Variants in TBC1D23 observed in about 807,000 individuals in gnomAD.
The protein encoded by TBC1D23 is TBC1 domain family member 23.
TBC1D23 carries 55 observed loss-of-function variants against 91.4 expected under a neutral mutation model. That is an observed-to-expected ratio of 0.60 (90% CI 0.48 to 0.75). The LOEUF is 0.75. Ranked by LOEUF, TBC1D23 falls within the 30% of genes least tolerant of loss-of-function variation. The probability of loss-of-function intolerance (pLI) is 0.00; values close to 1 mark genes in which losing one functional copy is unlikely to be tolerated. For synonymous variants in TBC1D23, 289 were observed against 281.0 expected, an observed-to-expected ratio of 1.03 and a Z score of -0.28; for missense variants, 725 against 836.1, an observed-to-expected ratio of 0.87 and a Z score of 1.64.
At chr3:100,313,938 T>C (rs1025598714) in intron 15 of TBC1D23, among the ~76,000 whole-genome samples, 1 of 152,068 alleles carries the variant, frequency 6.6e-6, no homozygotes, top group Non-Finnish European at 1.5e-5. Context: ...ACCAAATGAT[T>C]ATGTCACTTG....
At position 100,298,044 on chromosome 3, in the gene TBC1D23, G is replaced by C; in HGVS notation, c.998G>C (p.Gly333Ala). Residue 333 changes from glycine (G) to alanine (A), a missense_variant and splice_region_variant, in exon 9 of 19, where the codon GGG (glycine) becomes GCG (alanine). Coordinates refer to ENST00000394144, the MANE Select transcript of TBC1D23 (RefSeq NM_001199198.3). ...SEILQANQLQ[G>A]EGVRFFVVDC... Reference sequence around the variant, plus strand: ...ATCCTTCAAGCGAATCAGCTACAAGGGGTAAGTAAAGGAAACCCAGTTTGT... The same window carrying C: ...ATCCTTCAAGCGAATCAGCTACAAGCGGTAAGTAAAGGAAACCCAGTTTGT... 6.2e-7 allele frequency: 1 copy of C among 1,612,542 alleles called. No homozygotes were observed. The highest frequency in any genetic ancestry group is 1.3e-5 in the African/African-American group (1 of 74,926).
Position 100,311,867 on chromosome 3 carries a change from T to C in TBC1D23, c.1588T>C (p.Cys530Arg). 1.3e-6 allele frequency: 2 copies of C among 1,534,932 alleles called. No homozygotes were observed. Among genetic ancestry groups the C allele is most frequent in the Non-Finnish European group, 1.7e-6 (2 of 1,145,450 alleles). The change falls in exon 15 of 19, where the codon TGT (cysteine) becomes CGT (arginine). Residue 530 changes from cysteine to arginine, a missense_variant. Coordinates refer to ENST00000394144, the MANE Select transcript of TBC1D23 (RefSeq NM_001199198.3). The part of the protein sequence containing the change: ...SFNLPWPDRS[C>R]TERHVSSSDR... ...CAATCTTCCTTGGCCAGACAGATCA[T>C]GTACAGAGCGGTAAGCCAATGAGTA...
At chr3:100,321,036 A>G (rs539527027) in intron 18 of TBC1D23, 65 bp downstream of exon 18, 8 of 1,229,930 alleles carry the variant, frequency 6.5e-6, no homozygotes, top group African/African-American at 6.1e-5. Context: ...GTAGTTCACT[A>G]TAAAGAGTTT....
chr3:100,269,751 A>G (rs1309385092), intron 1 of TBC1D23, among the ~76,000 whole-genome samples: 1 of 152,220 alleles, frequency 6.6e-6, no homozygotes, highest in Non-Finnish European at 1.5e-5. Context: ...AATAGTAGCA[A>G]AATAAGTTCA....
intron 1 of TBC1D23, among the ~76,000 whole-genome samples, chr3:100,274,902 C>G (rs986953133): frequency 3.0e-5 from 4 of 133,260 alleles, no homozygotes; most frequent in Admixed American, 7.6e-5. Flanking sequence ...ACACCCCCCC[C>G]CTTTTTGTTT....
At chr3:100,285,146 A>T (rs2067729180) in intron 4 of TBC1D23, among the ~76,000 whole-genome samples, 1 of 152,196 alleles carries the variant, frequency 6.6e-6, no homozygotes, top group African/African-American at 2.4e-5. Flanking sequence ...TTTATATTCC[A>T]TAAAATTCAC....
At chr3:100,278,080 C>A (rs61095099) in intron 1 of TBC1D23, among the ~76,000 whole-genome samples, 1 of 151,924 alleles carries the variant, frequency 6.6e-6, no homozygotes, top group Non-Finnish European at 1.5e-5. Flanking sequence ...AGGAGAGCAA[C>A]GCTTTATGAA....
intron 1 of TBC1D23, among the ~76,000 whole-genome samples, chr3:100,279,019 TA>T (rs1370554075): frequency 2.6e-5 from 4 of 152,196 alleles, no homozygotes; most frequent in Non-Finnish European, 4.4e-5. Flanking sequence ...AGCATAATGT[TA>T]AGAACACGAA....
chr3:100,300,533 A>G (rs1225655528), intron 10 of TBC1D23, among the ~76,000 whole-genome samples: 1 of 126,598 alleles, frequency 7.9e-6, no homozygotes, highest in Admixed American at 9.1e-5. Context: ...CAGAGTTTCT[A>G]CTCTGCCACT....
At chr3:100,317,249 T>C (rs1705765788) in intron 16 of TBC1D23, among the ~76,000 whole-genome samples, 2 of 152,166 alleles carry the variant, frequency 1.3e-5, no homozygotes, top group Admixed American at 6.5e-5. Context: ...TATATAAATG[T>C]ACAGAATGAG....
chr3:100,297,846 A>G (rs1705331931), intron 8 of TBC1D23, 77 bp from the exon 9 acceptor site: 6 of 1,259,360 alleles, frequency 4.8e-6, no homozygotes, highest in African/African-American at 3.0e-5. Flanking sequence ...ACCTTTTATC[A>G]TGGTTTAATA....
chr3:100,311,925 A>G, intron 15 of TBC1D23, 48 bp downstream of exon 15: 3 of 1,250,932 alleles, frequency 2.4e-6, no homozygotes, highest in Non-Finnish European at 3.4e-6. Context: ...TTTTCCTTTA[A>G]TATGCTTCAT....
At chr3:100,293,905 T>G (rs1323703263) in intron 5 of TBC1D23, among the ~76,000 whole-genome samples, 1 of 152,250 alleles carries the variant, frequency 6.6e-6, no homozygotes. Flanking sequence ...AAATCAGAGA[T>G]ATTTTTAATG....
chr3:100,262,169 T>C (rs892645956), intron 1 of TBC1D23, among the ~76,000 whole-genome samples: 5 of 152,180 alleles, frequency 3.3e-5, no homozygotes, highest in South Asian at 2.1e-4. Context: ...GATCTAGATA[T>C]AGTTTTTTTT....
At chr3:100,275,011 C>G (rs1215920860) in intron 1 of TBC1D23, among the ~76,000 whole-genome samples, 1 of 149,908 alleles carries the variant, frequency 6.7e-6, no homozygotes, top group African/African-American at 2.4e-5. Context: ...AAGTCTCTTT[C>G]AGACTCTGCC....
rs147528666 is a variant in TBC1D23 at position 100,302,300 on chromosome 3, A to G, written c.1263+63A>G. On this transcript the variant is annotated intron_variant, in intron 11 of 18. Transcript: ENST00000394144. ...ATGTTATCACCTTTAAAAAATTTAC[A>G]TAGATAACTTTTTGCTTGTCAGATT... 628 of 1,351,834 alleles carry G rather than the reference A, an allele frequency of 4.6e-4. 5 individuals are homozygous for G. The African/African-American group carries it at 8.5e-3, about 18-fold the overall frequency. 83.7% of individuals were successfully genotyped at this position (1,351,834 alleles called of 1,614,324 possible).
intron 15 of TBC1D23, among the ~76,000 whole-genome samples, chr3:100,312,324 T>C (rs1482421011): frequency 6.6e-6 from 1 of 152,228 alleles, no homozygotes; most frequent in African/African-American, 2.4e-5. Context: ...GTACATTATG[T>C]AATTTTATAT....
At chr3:100,265,659 G>A (rs1483503298) in intron 1 of TBC1D23, among the ~76,000 whole-genome samples, 2 of 152,052 alleles carry the variant, frequency 1.3e-5, no homozygotes, top group African/African-American at 4.8e-5. Flanking sequence ...AATTATTTTG[G>A]TATTGACTTC....
Position 100,319,208 on chromosome 3 carries a change from C to T in TBC1D23, c.1823+4C>T. 6.3e-7 allele frequency: 1 copy of T among 1,596,470 alleles called. No homozygotes were observed. Among genetic ancestry groups the T allele is most frequent in the East Asian group, 2.2e-5 (1 of 44,546 alleles). On this transcript the variant is annotated splice_donor_region_variant and intron_variant, in intron 17 of 18. Coordinates refer to ENST00000394144, the MANE Select transcript of TBC1D23 (RefSeq NM_001199198.3). ...AAAGTGGACACATGTTTCCCAGGTA[C>T]TTTTAAAAATGTCTTCATAAGAAGT...
Sources: allele counts gnomAD v4.1 joint callset (sites outside exome capture counted in the v4.1 genomes callset), GRCh38; gene constraint gnomAD v4.1.1; transcripts MANE v1.5; gene names NCBI Gene and HGNC (gene_info 2026-07-23, HGNC 2026-07-21).